The following SPEGNB variants were observed in gnomAD, a reference collection of about 807,000 sequenced individuals.
The protein encoded by SPEGNB is SPEG neighbor, also known as SPEG neighbor protein.
Under a neutral mutation model 18.3 loss-of-function variants are expected in SPEGNB, and 12 were observed. That is an observed-to-expected ratio of 0.65 (90% confidence interval 0.42 to 1.06). SPEGNB has a LOEUF of 1.06. Among genes scored for constraint, SPEGNB ranks in the 50% least tolerant of loss-of-function variants. The probability of loss-of-function intolerance (pLI) is 0.00; values close to 1 mark genes in which losing one functional copy is unlikely to be tolerated. For synonymous variants in SPEGNB, 113 were observed against 138.8 expected (o/e 0.81, Z 1.31); for missense variants, 273 against 329.3 (o/e 0.83, Z 1.32).
Position 219,498,104 on chromosome 2 carries a change from C to A in SPEGNB, c.632C>A (p.Thr211Lys), listed in dbSNP as rs1227705517. Residue 211 changes from threonine (T) to lysine (K), a missense_variant, in exon 5 of 5, where the codon ACG (threonine) becomes AAG (lysine). Transcript: ENST00000651166. ...TTTTLTIRRA[T>K]PQDSGKYEVY... ...ACGACGCTGACCATTCGCCGGGCCA[C>A]GCCTCAGGACAGCGGCAAGTACGAG... 1.2e-4 allele frequency: 150 copies of A among 1,304,274 alleles called. No individual in the cohort carries two copies. Among genetic ancestry groups the A allele is most frequent in the Non-Finnish European group, 1.5e-4 (144 of 988,944 alleles). 80.8% of individuals were successfully genotyped at this position (1,304,274 alleles called of 1,614,324 possible). A position where few individuals can be genotyped will look rare whatever the true frequency, so the allele number is the denominator to read the frequency against.
chr2:219,497,225 C>A (rs1694245729), intron 3 of SPEGNB, 109 bp downstream of exon 3: 3 of 867,918 alleles, frequency 3.5e-6, no homozygotes, highest in Non-Finnish European at 2.9e-6. Context: ...CTACAGGGTC[C>A]CCGCCAGCCC....
chr2:219,497,105 T>A lies in SPEGNB; in HGVS notation c.425T>A (p.Ile142Asn), dbSNP rs1203388970. Residue 142 changes from isoleucine to asparagine, a missense_variant, in exon 3 of 5, where the codon ATC becomes AAC. Coordinates refer to ENST00000651166, the MANE Select transcript of SPEGNB (RefSeq NM_001286811.2). ...GGCCAGTGCTCCGACTCGGCGCGCA[T>A]CCTCGTGGAAGGTACGCGCGCCCCG... ...PFGQCSDSAR[I>N]LVEVPTKIQK... 2.2e-5 allele frequency: 26 copies of A among 1,207,852 alleles called. No homozygotes were observed. Among genetic ancestry groups the A allele is most frequent in the African/African-American group, 3.2e-5 (2 of 63,030 alleles). The allele number at this position is 1,207,852 out of a possible 1,614,324, so 74.8% of individuals were successfully genotyped here.
Position 219,498,067 on chromosome 2 carries a change from G to C in SPEGNB, c.595G>C (p.Gly199Arg), listed in dbSNP as rs765542465. The C allele has an allele frequency of 8.4e-5, 109 of 1,303,122 alleles. No homozygotes were observed. The highest frequency in any genetic ancestry group is 4.2e-4 in the Middle Eastern group (2 of 4,710). 80.7% of individuals were successfully genotyped at this position (1,303,122 alleles called of 1,614,324 possible). A position where few individuals can be genotyped will look rare whatever the true frequency, so the allele number is the denominator to read the frequency against. The change falls in exon 5 of 5, where the codon GGC becomes CGC. Residue 199 changes from glycine (G) to arginine (R), a missense_variant. Transcript: ENST00000651166. ...EEDDRVFFEI[G>R]STTTTLTIRR... ...CTTCCGCAGGGTGTTCTTCGAGATC[G>C]GCAGCACCACCACGACGCTGACCAT...
Position 219,498,256 on chromosome 2 carries a change from AGC to A in SPEGNB, c.*68_*69del, listed in dbSNP as rs1286641308. 1.9e-5 allele frequency: 24 copies of A among 1,250,956 alleles called. No individual in the cohort carries two copies. The highest frequency in any genetic ancestry group is 2.3e-5 in the Non-Finnish European group (22 of 961,938). 77.5% of individuals were successfully genotyped at this position (1,250,956 alleles called of 1,614,324 possible). On this transcript the variant is annotated 3_prime_UTR_variant, in exon 5 of 5. Coordinates refer to ENST00000651166, the MANE Select transcript of SPEGNB (RefSeq NM_001286811.2). ...GTGGTGGGACCCACAGCCCTCCACC[AGC>A]TTGCTTAATAAAGCTGCTCTCTGAC... is the stretch of plus-strand genomic sequence containing the variant.
chr2:219,497,767 G>A lies in SPEGNB; in HGVS notation c.484G>A (p.Gly162Ser), dbSNP rs531259274. 1.5e-6 allele frequency: 2 copies of A among 1,304,390 alleles called. No individual in the cohort carries two copies. Among genetic ancestry groups the A allele is most frequent in the South Asian group, 1.2e-5 (1 of 81,026 alleles). 80.8% of individuals were successfully genotyped at this position (1,304,390 alleles called of 1,614,324 possible). The change falls in exon 4 of 5, where the codon GGC (glycine) becomes AGC (serine). Residue 162 changes from glycine (G) to serine (S), a missense_variant. Physicochemically the swap from Gly to Ser is moderately conservative, Grantham distance 56. Coordinates refer to ENST00000651166, the MANE Select transcript of SPEGNB (RefSeq NM_001286811.2). ...ACCCGACAACACTAAGGCGCGCAAAGGCACCACCGTGACGCTGACTGCGGA... is the reference window on the plus strand; with the variant it reads ...ACCCGACAACACTAAGGCGCGCAAAAGCACCACCGTGACGCTGACTGCGGA... ...KGPDNTKARK[G>S]TTVTLTAEIL...
Position 219,496,358 on chromosome 2 carries a change from TC to T in SPEGNB, c.5del (p.Ser2LeufsTer59). Reference protein sequence around the residue: MSKAAPAKKPVA... With the variant: MXKAAPAKKPVA... ...ATATTTGTCGCCCACTCCCCAGATG[TC>T]TAAAGCAGCTCCTGCCAAAAAGCCA... On this transcript the variant is annotated frameshift_variant, in exon 2 of 5. Transcript: ENST00000651166. LOFTEE classifies it high-confidence loss of function. 7.9e-7 allele frequency: 1 copy of T among 1,268,566 alleles called. No homozygotes were observed. Among genetic ancestry groups the T allele is most frequent in the Non-Finnish European group, 1.0e-6 (1 of 965,122 alleles). The allele number at this position is 1,268,566 out of a possible 1,614,324, so 78.6% of individuals were successfully genotyped here.
intron 3 of SPEGNB, 101 bp downstream of exon 3, chr2:219,497,217 A>G (rs899984156): frequency 1.1e-6 from 1 of 936,378 alleles, no homozygotes; most frequent in Non-Finnish European, 1.3e-6. Flanking sequence ...GGGCCTAGCT[A>G]CAGGGTCCCC....
chr2:219,496,454 C>T lies in SPEGNB; in HGVS notation c.100C>T (p.Arg34Cys), dbSNP rs775387737. The T allele has an allele frequency of 4.7e-6, 6 of 1,278,898 alleles. No individual in the cohort carries two copies. The highest frequency in any genetic ancestry group is 1.5e-5 in the African/African-American group (1 of 65,512). The allele number at this position is 1,278,898 out of a possible 1,614,324, so 79.2% of individuals were successfully genotyped here. A position where few individuals can be genotyped will look rare whatever the true frequency, so the allele number is the denominator to read the frequency against. ...NDPQVQSAAI[R>C]IQASYRGHRS... is the part of the protein sequence containing the mutation. ...CCCACAGGTCCAGAGTGCGGCCATT[C>T]GTATCCAGGCCTCTTACCGGGGCCA... Residue 34 changes from arginine to cysteine, a missense_variant, in exon 2 of 5, where the codon CGT becomes TGT. Arg to Cys is a radical substitution (Grantham distance 180). Transcript: ENST00000651166.
At chr2:219,497,171 G>A in intron 3 of SPEGNB, 55 bp downstream of exon 3, 2 of 1,118,534 alleles carry the variant, frequency 1.8e-6, no homozygotes, top group Non-Finnish European at 2.2e-6. Context: ...CTCAGCCAGA[G>A]CCCGCAGCCC....
At chr2:219,497,363 G>C (rs965131865) in intron 3 of SPEGNB, among the ~76,000 whole-genome samples, 8 of 152,202 alleles carry the variant, frequency 5.3e-5, no homozygotes, top group Non-Finnish European at 7.3e-5. Flanking sequence ...GGGTCCCCAA[G>C]GTCACACAGC....
rs1237543110 is a variant in SPEGNB at position 219,496,918 on chromosome 2, T to C, written c.238T>C (p.Phe80Leu). 1 of 1,301,840 alleles carries C rather than the reference T, an allele frequency of 7.7e-7. No individual in the cohort carries two copies. The highest frequency in any genetic ancestry group is 5.6e-5 in the East Asian group (1 of 17,902). 80.6% of individuals were successfully genotyped at this position (1,301,840 alleles called of 1,614,324 possible). ...AAKLTCRISA[F>L]PDPFIRWSKD... Reference sequence around the variant, plus strand: ...CAAGCTCACTTGCCGCATTTCGGCTTTCCCGGACCCATTCATCCGCTGGAG... The same window carrying C: ...CAAGCTCACTTGCCGCATTTCGGCTCTCCCGGACCCATTCATCCGCTGGAG... Residue 80 changes from phenylalanine to leucine, a missense_variant, in exon 3 of 5, where the codon TTC becomes CTC. By Grantham distance (22) the Phe-to-Leu change is conservative. Coordinates refer to ENST00000651166, the MANE Select transcript of SPEGNB (RefSeq NM_001286811.2).
Position 219,496,883 on chromosome 2 carries a change from G to T in SPEGNB, c.203G>T (p.Gly68Val). Reference protein sequence around the residue: ...EPLKDVVLIEGSAAKLTCRIS... With the variant: ...EPLKDVVLIEVSAAKLTCRIS... ...CTGAAGGACGTGGTGCTGATCGAAG[G>T]CAGCGCGGCCAAGCTCACTTGCCGC... The change falls in exon 3 of 5, where the codon GGC becomes GTC. Residue 68 changes from glycine (G) to valine (V), a missense_variant. Coordinates refer to ENST00000651166, the MANE Select transcript of SPEGNB (RefSeq NM_001286811.2). 1 of 1,293,428 alleles carries T rather than the reference G, an allele frequency of 7.7e-7. No homozygotes were observed. The highest frequency in any genetic ancestry group is 1.2e-5 in the South Asian group (1 of 80,248). The allele number at this position is 1,293,428 out of a possible 1,614,324, so 80.1% of individuals were successfully genotyped here.
Position 219,498,242 on chromosome 2 carries a change from C to T in SPEGNB, c.*53C>T. On this transcript the variant is annotated 3_prime_UTR_variant, in exon 5 of 5. Coordinates refer to ENST00000651166, the MANE Select transcript of SPEGNB (RefSeq NM_001286811.2). ...CGCCGAGCCCGGGGGTGGTGGGACC[C>T]ACAGCCCTCCACCAGCTTGCTTAAT... 1 of 1,274,148 alleles carries T rather than the reference C, an allele frequency of 7.8e-7. No homozygotes were observed. Among genetic ancestry groups the T allele is most frequent in the Non-Finnish European group, 1.0e-6 (1 of 973,998 alleles). 78.9% of individuals were successfully genotyped at this position (1,274,148 alleles called of 1,614,324 possible).
In SPEGNB at chr2:219,497,326, A is replaced by C. The variant is rs571421235; in HGVS notation, c.436+210A>C. ...CCAGCTCCACCCGGGCTGAGCAGTC[A>C]GCTGTGGACTTCCATCACGCGGCTC... On this transcript the variant is annotated intron_variant, in intron 3 of 4. Transcript: ENST00000651166. 5.3e-5 allele frequency among the ~76,000 whole-genome samples: 8 copies of C among 152,322 alleles called. No homozygotes were observed. The East Asian group carries it at 1.5e-3, about 29-fold the overall frequency.
rs1381400818 is a variant in SPEGNB at position 219,497,715 on chromosome 2, G to A, written c.437-5G>A. ...CGGGGTTTCGCTCCCCTTTCCTTCC[G>A]CTAGTCCCGACGAAGATTCAAAAGG... On this transcript the variant is annotated splice_polypyrimidine_tract_variant and splice_region_variant and intron_variant, in intron 3 of 4. Transcript: ENST00000651166. The A allele has an allele frequency of 3.8e-6, 5 of 1,303,340 alleles. No homozygotes were observed. In the African/African-American group the frequency reaches 4.6e-5, roughly 12 times the overall value. 80.7% of individuals were successfully genotyped at this position (1,303,340 alleles called of 1,614,324 possible). A position where few individuals can be genotyped will look rare whatever the true frequency, so the allele number is the denominator to read the frequency against.
intron 3 of SPEGNB, 107 bp from the exon 4 acceptor site, chr2:219,497,613 C>G: frequency 1.7e-6 from 2 of 1,202,772 alleles, no homozygotes; most frequent in Non-Finnish European, 2.2e-6. Flanking sequence ...CGTCACACTG[C>G]GAGTTTAAAT....
Position 219,497,746 on chromosome 2 carries a change from G to A in SPEGNB, c.463G>A (p.Asp155Asn). The change falls in exon 4 of 5, where the codon GAC (aspartate) becomes AAC (asparagine). Residue 155 changes from aspartate (D) to asparagine (N), a missense_variant. Transcript: ENST00000651166. The stretch of plus-strand genomic sequence containing the variant: ...CCCGACGAAGATTCAAAAGGGACCC[G>A]ACAACACTAAGGCGCGCAAAGGCAC... ...EVPTKIQKGP[D>N]NTKARKGTTV... 2 of 1,304,334 alleles carry A rather than the reference G, an allele frequency of 1.5e-6. No homozygotes were observed. The highest frequency in any genetic ancestry group is 2.5e-5 in the South Asian group (2 of 81,030). 80.8% of individuals were successfully genotyped at this position (1,304,334 alleles called of 1,614,324 possible).
rs1312567819 is a variant in SPEGNB, at chr2:219,498,275, C to T, written c.*86C>T. The T allele has an allele frequency of 5.9e-6, 7 of 1,177,808 alleles. No individual in the cohort carries two copies. The highest frequency in any genetic ancestry group is 6.6e-6 in the Non-Finnish European group (6 of 906,754). The allele number at this position is 1,177,808 out of a possible 1,614,324, so 73.0% of individuals were successfully genotyped here. A position where few individuals can be genotyped will look rare whatever the true frequency, so the allele number is the denominator to read the frequency against. On this transcript the variant is annotated 3_prime_UTR_variant, in exon 5 of 5. Transcript: ENST00000651166. ...TCCACCAGCTTGCTTAATAAAGCTGCTCTCTGACCCTCCGCGTCTGTCCTG... is the reference window on the plus strand; with the variant it reads ...TCCACCAGCTTGCTTAATAAAGCTGTTCTCTGACCCTCCGCGTCTGTCCTG...
Position 219,498,096 on chromosome 2 carries a change from C to T in SPEGNB, c.624C>T (p.Arg208=). 1 of 1,304,272 alleles carries T rather than the reference C, an allele frequency of 7.7e-7. No homozygotes were observed. 80.8% of individuals were successfully genotyped at this position (1,304,272 alleles called of 1,614,324 possible). The part of the protein sequence containing the change: ...IGSTTTTLTI[R]RATPQDSGKY... ...GCACCACCACGACGCTGACCATTCGCCGGGCCACGCCTCAGGACAGCGGCA... is the reference window on the plus strand; with the variant it reads ...GCACCACCACGACGCTGACCATTCGTCGGGCCACGCCTCAGGACAGCGGCA... Residue 208 remains arginine (R), a synonymous_variant, in exon 5 of 5, where the codon CGC becomes CGT. Coordinates refer to ENST00000651166, the MANE Select transcript of SPEGNB (RefSeq NM_001286811.2).
Sources: gnomAD v4.1 joint callset for allele counts (sites outside exome capture counted in the v4.1 genomes callset) on GRCh38, gnomAD v4.1.1 for gene constraint, MANE v1.5 for transcripts, NCBI Gene and HGNC (gene_info 2026-07-23, HGNC 2026-07-21) for gene names.